Variants in CNTN5 observed in about 807,000 individuals in gnomAD.
The protein encoded by CNTN5 is contactin 5, also known as contactin-5.
CNTN5 carries 77 observed loss-of-function variants against 129.1 expected under a neutral mutation model. The ratio of observed to expected loss-of-function variants is 0.60; its 90% CI spans 0.50 to 0.72. The LOEUF is 0.72. Among genes scored for constraint, CNTN5 ranks in the 30% least tolerant of loss-of-function variants. The pLI, the probability that CNTN5 is intolerant of heterozygous loss-of-function variation, is 0.00. For synonymous variants in CNTN5, 509 were observed against 465.6 expected (o/e 1.09, Z -1.20); for missense variants, 1,478 against 1,328.8 (o/e 1.11, Z -1.75).
intron 21 of CNTN5, among the ~76,000 whole-genome samples, chr11:100,311,145 G>T (rs1047293640): frequency 2.0e-5 from 3 of 151,884 alleles, no homozygotes; most frequent in African/African-American, 7.3e-5. Flanking sequence ...GTGACAATGA[G>T]GTTGCTTTCA....
At chr11:99,930,788 T>TACAAACACACACAC (rs1376222143) in intron 7 of CNTN5, among the ~76,000 whole-genome samples, 4 of 24,630 alleles carry the variant, frequency 1.6e-4, no homozygotes, top group African/African-American at 6.7e-4. Flanking sequence ...AATAAACACA[T>TACAAACACACACAC]ACACACAAAC....
At chr11:99,297,616 C>T (rs1864447766) in intron 1 of CNTN5, among the ~76,000 whole-genome samples, 2 of 152,152 alleles carry the variant, frequency 1.3e-5, no homozygotes, top group African/African-American at 4.8e-5. Flanking sequence ...TTCTGTAAGA[C>T]TTCACTGCCT....
At chr11:100,019,616 C>T (rs12291470) in intron 9 of CNTN5, among the ~76,000 whole-genome samples, 15,013 of 151,844 alleles carry the variant, frequency 0.099, 834 homozygotes, top group Middle Eastern at 0.24. Flanking sequence ...AAGCTGATTG[C>T]GTATCTTGGC....
chr11:100,294,488 T>C (rs1173500118), intron 18 of CNTN5, among the ~76,000 whole-genome samples: 1 of 151,690 alleles, frequency 6.6e-6, no homozygotes, highest in African/African-American at 2.4e-5. Flanking sequence ...TGGATGAGCT[T>C]TGCTCAGAAA....
intron 3 of CNTN5, among the ~76,000 whole-genome samples, chr11:99,782,316 G>T (rs940625796): frequency 2.7e-5 from 4 of 147,570 alleles, no homozygotes; most frequent in Non-Finnish European, 4.4e-5. Flanking sequence ...CACTGCTCAA[G>T]GAAGTAAAAG....
Position 100,312,336 on chromosome 11 carries a change from T to G in CNTN5, c.2730+3868T>G, listed in dbSNP as rs535966547. 2.6e-5 allele frequency among the ~76,000 whole-genome samples: 4 copies of G among 152,102 alleles called. No individual in the cohort carries two copies. The South Asian group carries it at 8.3e-4, about 32-fold the overall frequency. On this transcript the variant is annotated intron_variant, in intron 21 of 24. Transcript: ENST00000524871. ...ACTAAATATGATATAGGTGAAGCTA[T>G]CAGGATCTCTCTTTTCCTCTCTTTT...
At chr11:100,194,937 T>A (rs547699159) in intron 15 of CNTN5, among the ~76,000 whole-genome samples, 1 of 151,600 alleles carries the variant, frequency 6.6e-6, no homozygotes, top group African/African-American at 2.4e-5. Context: ...TAAGAAACAA[T>A]TGCCAACTAC....
chr11:99,670,373 T>C (rs763657758), intron 3 of CNTN5, among the ~76,000 whole-genome samples: 1 of 152,176 alleles, frequency 6.6e-6, no homozygotes, highest in Non-Finnish European at 1.5e-5. Context: ...GAGTCATCCA[T>C]TTATCTGCAT....
rs144016750 is a variant in CNTN5, at chr11:99,829,310, C to T, written c.277+9545C>T. ...CATTCAGAATTACTGTGTTGCATGA[C>T]GATGAAAACATGGTTGTGAATATTG... On this transcript the variant is annotated intron_variant, in intron 4 of 24. Coordinates refer to ENST00000524871, the MANE Select transcript of CNTN5 (RefSeq NM_014361.4). Among the ~76,000 whole-genome samples the T allele has an allele frequency of 1.1e-3, 168 of 152,200 alleles. 1 individual carries two copies. The highest frequency in any genetic ancestry group is 6.4e-3 in the East Asian group (33 of 5,186).
intron 2 of CNTN5, among the ~76,000 whole-genome samples, chr11:99,331,656 C>T (rs1591533029): frequency 6.6e-6 from 1 of 152,202 alleles, no homozygotes; most frequent in African/African-American, 2.4e-5. Context: ...TGCAGTAGAT[C>T]AACTTTCCAA....
intron 3 of CNTN5, among the ~76,000 whole-genome samples, chr11:99,778,064 T>C (rs1276812244): frequency 1.3e-5 from 2 of 152,000 alleles, no homozygotes; most frequent in East Asian, 3.9e-4. Flanking sequence ...TTAATTCAGA[T>C]TGAGTTGAAT....
At chr11:99,147,365 A>G (rs978651393) in intron 1 of CNTN5, among the ~76,000 whole-genome samples, 13 of 152,208 alleles carry the variant, frequency 8.5e-5, no homozygotes, top group African/African-American at 2.9e-4. Flanking sequence ...TGGAATATCC[A>G]AATATAAAAA....
At chr11:99,131,038 G>A (rs111683879) in intron 1 of CNTN5, among the ~76,000 whole-genome samples, 4,947 of 151,110 alleles carry the variant, frequency 0.033, 116 homozygotes, top group South Asian at 0.065. Context: ...TGAGGCAGGC[G>A]GATCACAAGG....
chr11:99,988,989 T>G (rs866590587), intron 8 of CNTN5, among the ~76,000 whole-genome samples: 2 of 152,166 alleles, frequency 1.3e-5, no homozygotes, highest in African/African-American at 4.8e-5. Context: ...CAGAAAGGAC[T>G]GTGGATAAGG....
intron 1 of CNTN5, among the ~76,000 whole-genome samples, chr11:99,230,123 C>T (rs750912708): frequency 6.6e-6 from 1 of 151,904 alleles, no homozygotes; most frequent in African/African-American, 2.4e-5. Context: ...AAATTCGATA[C>T]TTAAAAGAGA....
chr11:100,273,636 C>T (rs1170962105), intron 18 of CNTN5, among the ~76,000 whole-genome samples: 2 of 152,186 alleles, frequency 1.3e-5, no homozygotes, highest in East Asian at 1.9e-4. Context: ...AGCAGGCACA[C>T]AGTTGTCATC....
At chr11:100,304,908 G>A (rs1591497513) in intron 20 of CNTN5, among the ~76,000 whole-genome samples, 2 of 151,226 alleles carry the variant, frequency 1.3e-5, no homozygotes, top group African/African-American at 4.9e-5. Context: ...GAACACAGCA[G>A]AGCCTCAATA....
intron 3 of CNTN5, among the ~76,000 whole-genome samples, chr11:99,600,619 T>A (rs1217092885): frequency 6.6e-6 from 1 of 152,114 alleles, no homozygotes; most frequent in Non-Finnish European, 1.5e-5. Context: ...GGTACTGTTC[T>A]CTGAAGTTCT....
chr11:99,639,958 G>GGCA (rs1951711140), intron 3 of CNTN5, among the ~76,000 whole-genome samples: 1 of 152,016 alleles, frequency 6.6e-6, no homozygotes, highest in African/African-American at 2.4e-5. Context: ...AAATCTCTAG[G>GGCA]GCAGGGACAA....
Sources: gnomAD v4.1 joint callset for allele counts (sites outside exome capture counted in the v4.1 genomes callset) on GRCh38, gnomAD v4.1.1 for gene constraint, MANE v1.5 for transcripts, NCBI Gene and HGNC (gene_info 2026-07-23, HGNC 2026-07-21) for gene names.